The following PARD3B variants were observed in gnomAD, a reference collection of about 807,000 sequenced individuals.
The protein encoded by PARD3B is partitioning defective 3 homolog B.
A neutral mutation model predicts 130.2 loss-of-function variants in PARD3B; 103 were observed. That is an observed-to-expected ratio of 0.79 (90% CI 0.67 to 0.93). The LOEUF (loss-of-function observed/expected upper bound fraction) is 0.93, where lower values mean the gene tolerates loss of function less well. PARD3B is among the 40% of genes least tolerant of loss of function. The probability of loss-of-function intolerance (pLI) is 0.00; values close to 1 mark genes in which losing one functional copy is unlikely to be tolerated. For missense variants in PARD3B, 1,609 were observed against 1,499.2 expected, an observed-to-expected ratio of 1.07 and a Z score of -1.21; for synonymous variants, 583 against 553.2, an observed-to-expected ratio of 1.05 and a Z score of -0.76.
chr2:204,555,529 G>A (rs2030859958), intron 1 of PARD3B, among the ~76,000 whole-genome samples: 1 of 152,218 alleles, frequency 6.6e-6, no homozygotes, highest in Non-Finnish European at 1.5e-5. Flanking sequence ...CTGCACTCCA[G>A]CCTGGGCAAC....
chr2:205,051,762 A>C (rs754922064), intron 4 of PARD3B, among the ~76,000 whole-genome samples: 12 of 152,292 alleles, frequency 7.9e-5, no homozygotes, highest in South Asian at 2.1e-4. Flanking sequence ...AATTAGAAAA[A>C]TCAGATTCTC....
At chr2:205,383,082 A>C (rs556054264) in intron 18 of PARD3B, among the ~76,000 whole-genome samples, 7 of 143,850 alleles carry the variant, frequency 4.9e-5, no homozygotes, top group African/African-American at 1.9e-4. Context: ...TGGAAAGTTT[A>C]CATAGATAGA....
rs574269399 is a variant in PARD3B at position 205,178,672 on chromosome 2, GTGTC to G, written c.1924+2101_1924+2104del. Among the ~76,000 whole-genome samples, 141 of 152,262 alleles carry G rather than the reference GTGTC, an allele frequency of 9.3e-4. 1 individual carries two copies. The highest frequency in any genetic ancestry group is 1.5e-3 in the Non-Finnish European group (100 of 68,030). On this transcript the variant is annotated intron_variant, in intron 13 of 22. Coordinates refer to ENST00000406610, the MANE Select transcript of PARD3B (RefSeq NM_001302769.2). ...TAATTCTCTAGCAACGTGTGGCCCA[GTGTC>G]TGTCTAAGTCTAGAGTTTAATTCCT...
At chr2:204,617,611 A>G (rs143863094) in intron 1 of PARD3B, among the ~76,000 whole-genome samples, 3,842 of 152,164 alleles carry the variant, frequency 0.025, 67 homozygotes, top group South Asian at 0.054. Flanking sequence ...GGTTTGTTAC[A>G]TGGGTAAATT....
intron 21 of PARD3B, among the ~76,000 whole-genome samples, chr2:205,539,616 T>A (rs1488560169): frequency 6.6e-6 from 1 of 152,186 alleles, no homozygotes; most frequent in South Asian, 2.1e-4. Context: ...GATGACCAGC[T>A]GTTTTTTATT....
At chr2:204,716,791 T>A (rs1052342395) in intron 2 of PARD3B, among the ~76,000 whole-genome samples, 3 of 151,804 alleles carry the variant, frequency 2.0e-5, no homozygotes, top group Middle Eastern at 6.8e-3. Flanking sequence ...CCTGGCTAAT[T>A]TTTTGTATTT....
chr2:205,396,089 G>T (rs368759642), intron 18 of PARD3B, among the ~76,000 whole-genome samples: 3 of 152,042 alleles, frequency 2.0e-5, no homozygotes, highest in East Asian at 1.9e-4. Flanking sequence ...CATGTCCTTT[G>T]CATGTGCTGT....
At chr2:205,424,765 AGATAAT>A (rs767260380) in intron 19 of PARD3B, among the ~76,000 whole-genome samples, 1 of 152,214 alleles carries the variant, frequency 6.6e-6, no homozygotes, top group Non-Finnish European at 1.5e-5. Flanking sequence ...ATTCTTTTCC[AGATAAT>A]GATAAGCACC....
chr2:204,626,641 G>A (rs1280106459), intron 1 of PARD3B, among the ~76,000 whole-genome samples: 2 of 151,916 alleles, frequency 1.3e-5, no homozygotes, highest in African/African-American at 4.8e-5. Context: ...TGTAGTAAAT[G>A]TATTTTTTCC....
intron 1 of PARD3B, among the ~76,000 whole-genome samples, chr2:204,632,895 G>T (rs1045834313): frequency 6.6e-6 from 1 of 152,160 alleles, no homozygotes; most frequent in African/African-American, 2.4e-5. Context: ...CGCACCTTTT[G>T]TTCCCCTCGG....
chr2:204,878,223 C>T (rs2045917111), intron 2 of PARD3B, among the ~76,000 whole-genome samples: 1 of 151,884 alleles, frequency 6.6e-6, no homozygotes, highest in Non-Finnish European at 1.5e-5. Flanking sequence ...TAATTATGTG[C>T]CATCAAAGGA....
chr2:205,068,145 G>A (rs1233540625), intron 4 of PARD3B, among the ~76,000 whole-genome samples: 1 of 152,198 alleles, frequency 6.6e-6, no homozygotes, highest in Admixed American at 6.6e-5. Context: ...CTGGGACTGT[G>A]CGTATGTGTT....
At chr2:204,842,676 T>C (rs935010151) in intron 2 of PARD3B, among the ~76,000 whole-genome samples, 2 of 152,162 alleles carry the variant, frequency 1.3e-5, no homozygotes, top group Non-Finnish European at 2.9e-5. Context: ...GCTGAGCAAA[T>C]GTCTGGAAAA....
chr2:205,344,564 G>A (rs1302870340), intron 18 of PARD3B, among the ~76,000 whole-genome samples: 1 of 152,110 alleles, frequency 6.6e-6, no homozygotes, highest in East Asian at 1.9e-4. Context: ...TTGATTTTGT[G>A]TGTCTGACTT....
intron 2 of PARD3B, among the ~76,000 whole-genome samples, chr2:204,707,986 C>T (rs1284563256): frequency 1.3e-5 from 2 of 152,050 alleles, no homozygotes; most frequent in Non-Finnish European, 2.9e-5. Flanking sequence ...CCTTTGGAGA[C>T]TTCATCTCTT....
rs2044633251 is a variant in PARD3B at position 205,366,990 on chromosome 2, C to G, written c.2631-34023C>G. 6.6e-6 allele frequency among the ~76,000 whole-genome samples: 1 copy of G among 152,224 alleles called. No individual in the cohort carries two copies. The highest frequency in any genetic ancestry group is 1.5e-5 in the Non-Finnish European group (1 of 68,042). ...GCTGAACAGCCCCCAATATCTTTGT[C>G]TACCAAGGAGTCTGAACTCTTTTAA... On this transcript the variant is annotated intron_variant, in intron 18 of 22. Coordinates refer to ENST00000406610, the MANE Select transcript of PARD3B (RefSeq NM_001302769.2). This position sits in a 1 kb window ranked among gnomAD's most constrained non-coding sequence, Gnocchi z 5.0.
chr2:204,585,019 T>A (rs2125086487), intron 1 of PARD3B, among the ~76,000 whole-genome samples: 1 of 152,224 alleles, frequency 6.6e-6, no homozygotes, highest in South Asian at 2.1e-4. Flanking sequence ...GGAGCAACCT[T>A]GGAGGGAGCT....
chr2:205,011,095 A>G lies in PARD3B; in HGVS notation c.395-36486A>G, dbSNP rs1423386686. Reference sequence around the variant, plus strand: ...CTGGTAGCACCATTAGGCTAATTGGATAGAGATCCTGCCTATTCACTCTTG... The same window carrying G: ...CTGGTAGCACCATTAGGCTAATTGGGTAGAGATCCTGCCTATTCACTCTTG... On this transcript the variant is annotated intron_variant, in intron 3 of 22. Transcript: ENST00000406610. This position sits in a 1 kb window ranked among gnomAD's most constrained non-coding sequence, Gnocchi z 4.1. 6.6e-6 allele frequency among the ~76,000 whole-genome samples: 1 copy of G among 152,174 alleles called. No homozygotes were observed.
chr2:205,086,222 G>T (rs1452615420), intron 4 of PARD3B, among the ~76,000 whole-genome samples: 1 of 152,104 alleles, frequency 6.6e-6, no homozygotes, highest in East Asian at 1.9e-4. Flanking sequence ...AAGCCCTACT[G>T]GTTTTTCCCC....
Sources: gnomAD v4.1 joint callset for allele counts (sites outside exome capture counted in the v4.1 genomes callset) on GRCh38, gnomAD v4.1.1 for gene constraint, Gnocchi (gnomAD v3.1) non-coding constraint, MANE v1.5 for transcripts, NCBI Gene and HGNC (gene_info 2026-07-23, HGNC 2026-07-21) for gene names.